The following CACNA2D4 variants were observed in gnomAD, a reference collection of about 807,000 sequenced individuals.
CACNA2D4 encodes the protein voltage-dependent calcium channel subunit alpha-2/delta-4.
A neutral mutation model predicts 163.8 loss-of-function variants in CACNA2D4; 157 were observed. That is an observed-to-expected ratio of 0.96 (90% CI 0.84 to 1.09). The LOEUF (loss-of-function observed/expected upper bound fraction) is 1.09. Among genes scored for constraint, CACNA2D4 ranks in the 50% least tolerant of loss-of-function variants. CACNA2D4 has a pLI of 0.00. For synonymous variants in CACNA2D4, 598 were observed against 586.9 expected, an observed-to-expected ratio of 1.02 and a Z score of -0.27; for missense variants, 1,410 against 1,479.9, an observed-to-expected ratio of 0.95 and a Z score of 0.78.
chr12:1,885,486 C>T (rs144395026), intron 9 of CACNA2D4, among the ~76,000 whole-genome samples: 4 of 152,252 alleles, frequency 2.6e-5, no homozygotes, highest in South Asian at 2.1e-4. Flanking sequence ...GAACTCAAAC[C>T]CCAACTCCTC....
chr12:1,807,672 C>T (rs11611260), intron 29 of CACNA2D4, among the ~76,000 whole-genome samples: 5,606 of 152,160 alleles, frequency 0.037, 150 homozygotes, highest in Non-Finnish European at 0.056. Flanking sequence ...CACACGGTTA[C>T]CCAGTGTCTG....
At chr12:1,794,833 C>T (rs532628859) in intron 37 of CACNA2D4, among the ~76,000 whole-genome samples, 1 of 152,306 alleles carries the variant, frequency 6.6e-6, no homozygotes, top group African/African-American at 2.4e-5. Context: ...TCTCCAGCCC[C>T]CTTCCTTTCC....
chr12:1,915,021 C>T, intron 1 of CACNA2D4, 86 bp from the exon 2 acceptor site: 2 of 973,432 alleles, frequency 2.1e-6, no homozygotes, highest in East Asian at 2.4e-5. Flanking sequence ...GGTTCACACA[C>T]ATAGAAAGCC....
chr12:1,841,897 T>C (rs1404967862), intron 25 of CACNA2D4, among the ~76,000 whole-genome samples: 1 of 152,102 alleles, frequency 6.6e-6, no homozygotes, highest in African/African-American at 2.4e-5. Flanking sequence ...GAACTTCCAA[T>C]ATGTAAGGTT....
rs138734982 is a variant in CACNA2D4 at position 1,826,609 on chromosome 12, C to T, written c.2551+14130G>A. 3.5e-4 allele frequency among the ~76,000 whole-genome samples: 54 copies of T among 152,326 alleles called. 1 individual carries two copies. In the East Asian group the frequency reaches 7.3e-3, roughly 21 times the overall value. Reference sequence around the variant, plus strand: ...CTTGTGACCCCTCTGCCAACGCCTGCGGGGCCTTCGGCAGACTGGCACCCT... The same window carrying T: ...CTTGTGACCCCTCTGCCAACGCCTGTGGGGCCTTCGGCAGACTGGCACCCT... On this transcript the variant is annotated intron_variant, in intron 26 of 37. Transcript: ENST00000382722.
rs149305020 is a variant in CACNA2D4, at chr12:1,801,459, G to C, written c.2792+115C>G. 372 of 895,368 alleles carry C rather than the reference G, an allele frequency of 4.2e-4. 2 individuals are homozygous for C. In the African/African-American group the frequency reaches 5.0e-3, roughly 12 times the overall value. The allele number at this position is 895,368 out of a possible 1,614,324, so 55.5% of individuals were successfully genotyped here. A position where few individuals can be genotyped will look rare whatever the true frequency, so the allele number is the denominator to read the frequency against. ...TAAAGGTTGCTTTTGCAGCTCTTTG[G>C]GGGCACCCACTGTGGGTTTTGGAGG... On this transcript the variant is annotated intron_variant, in intron 30 of 37. Coordinates refer to ENST00000382722, the MANE Select transcript of CACNA2D4 (RefSeq NM_172364.5).
chr12:1,803,988 A>G (rs1044754765), intron 29 of CACNA2D4, among the ~76,000 whole-genome samples: 8 of 152,252 alleles, frequency 5.3e-5, no homozygotes, highest in Admixed American at 2.0e-4. Context: ...TTCCAGGGAC[A>G]CAACAGCACA....
In CACNA2D4 at chr12:1,840,664, TC is replaced by T. The variant is rs1186620025; in HGVS notation, c.2551+74del. 2.4e-6 allele frequency: 3 copies of T among 1,268,766 alleles called. No homozygotes were observed. In the African/African-American group the frequency reaches 4.4e-5, roughly 19 times the overall value. 78.6% of individuals were successfully genotyped at this position (1,268,766 alleles called of 1,614,324 possible). A position where few individuals can be genotyped will look rare whatever the true frequency, so the allele number is the denominator to read the frequency against. On this transcript the variant is annotated intron_variant, in intron 26 of 37. Coordinates refer to ENST00000382722, the MANE Select transcript of CACNA2D4 (RefSeq NM_172364.5). The stretch of plus-strand genomic sequence containing the variant: ...GGCCCTGGCCACATGTGCAGGGCCT[TC>T]TGCTGTGATCTATGCCTTGCTCTTT...
At chr12:1,865,644 C>G (rs1432147252) in intron 18 of CACNA2D4, among the ~76,000 whole-genome samples, 1 of 152,190 alleles carries the variant, frequency 6.6e-6, no homozygotes, top group Non-Finnish European at 1.5e-5. Flanking sequence ...GGCTGCACCA[C>G]GCACGAGGCC....
At chr12:1,795,565 G>T in intron 36 of CACNA2D4, 103 bp downstream of exon 36, 1 of 688,414 alleles carries the variant, frequency 1.5e-6, no homozygotes, top group South Asian at 1.8e-5. Flanking sequence ...TGGAGGACAC[G>T]GGCGGTGAAG....
intron 18 of CACNA2D4, among the ~76,000 whole-genome samples, chr12:1,867,722 T>C (rs946946714): frequency 2.1e-5 from 3 of 141,044 alleles, no homozygotes; most frequent in South Asian, 4.8e-4. Flanking sequence ...ATCCGAAATA[T>C]ATAAGGAACC....
At chr12:1,881,702 G>GACAAGGGA (rs1299108575) in intron 13 of CACNA2D4, among the ~76,000 whole-genome samples, 1 of 152,228 alleles carries the variant, frequency 6.6e-6, no homozygotes, top group East Asian at 1.9e-4. Flanking sequence ...TGAACACTTG[G>GACAAGGGA]ACAAGGGAGG....
intron 20 of CACNA2D4, 123 bp downstream of exon 20, chr12:1,858,454 C>T: frequency 3.7e-6 from 3 of 813,302 alleles, no homozygotes; most frequent in Admixed American, 2.0e-5. Flanking sequence ...TGAGAGGCTG[C>T]TCTGGAGCCT....
chr12:1,842,857 G>C (rs1220686519), intron 25 of CACNA2D4, among the ~76,000 whole-genome samples: 3 of 152,174 alleles, frequency 2.0e-5, no homozygotes, highest in Non-Finnish European at 2.9e-5. Flanking sequence ...GTGGGAAGGG[G>C]TCTCCCCTTT....
chr12:1,861,133 C>T (rs1392758336), intron 18 of CACNA2D4, among the ~76,000 whole-genome samples: 1 of 152,206 alleles, frequency 6.6e-6, no homozygotes, highest in Admixed American at 6.5e-5. Flanking sequence ...TTCTTTCTGA[C>T]TTTCCTTCTT....
Position 1,806,495 on chromosome 12 carries a change from G to A in CACNA2D4, c.2721+3783C>T, listed in dbSNP as rs190881349. Among the ~76,000 whole-genome samples the A allele has an allele frequency of 2.2e-3, 337 of 152,324 alleles. 1 individual carries two copies. Among genetic ancestry groups the A allele is most frequent in the African/African-American group, 7.5e-3 (313 of 41,574 alleles). On this transcript the variant is annotated intron_variant, in intron 29 of 37. Transcript: ENST00000382722. The surrounding 1 kb of genome is among the most constrained non-coding windows in gnomAD (Gnocchi z 4.1). ...TGACTACGGGGAGGAGGGTGTGCAA[G>A]GACTTTGTCTGGGAAGAATCTTTGC...
In CACNA2D4 at chr12:1,886,283, C is replaced by T. The variant is rs1208553174; in HGVS notation, c.933G>A (p.Lys311=). Reference sequence around the variant, plus strand: ...TGTCCAAGATGGTGGTGATGGTGTGCTTGGCAATAGTCATCCTCAGCCCCT... The same window carrying T: ...TGTCCAAGATGGTGGTGATGGTGTGTTTGGCAATAGTCATCCTCAGCCCCT... The part of the protein sequence containing the change: ...SMKGLRMTIA[K]HTITTILDTL... The change falls in exon 8 of 38, where the codon AAG becomes AAA. Residue 311 remains lysine, a synonymous_variant. Coordinates refer to ENST00000382722, the MANE Select transcript of CACNA2D4 (RefSeq NM_172364.5). 6.2e-7 allele frequency: 1 copy of T among 1,613,668 alleles called. No homozygotes were observed. The highest frequency in any genetic ancestry group is 1.1e-5 in the South Asian group (1 of 91,078).
In CACNA2D4 at chr12:1,913,122, C is replaced by T; in HGVS notation, c.327G>A (p.Glu109=). ...LLLQKKYKDV[E]SSLKIEEVDG... is the part of the protein sequence containing the mutation. ...CCACCTCCTCGATCTTCAGACTGGACTCCACATCCTTGTACTTCTGTTTGG... is the reference window on the plus strand; with the variant it reads ...CCACCTCCTCGATCTTCAGACTGGATTCCACATCCTTGTACTTCTGTTTGG... Residue 109 remains glutamate, a synonymous_variant, in exon 3 of 38, where the codon GAG becomes GAA. Transcript: ENST00000382722. 6.2e-7 allele frequency: 1 copy of T among 1,612,908 alleles called. No homozygotes were observed.
chr12:1,815,089 G>A (rs112799056), intron 26 of CACNA2D4, among the ~76,000 whole-genome samples: 6,363 of 152,152 alleles, frequency 0.042, 454 homozygotes, highest in African/African-American at 0.14. Context: ...ATGGGGTTTC[G>A]CCATGCTGGC....
Sources: allele counts gnomAD v4.1 joint callset (sites outside exome capture counted in the v4.1 genomes callset), GRCh38; gene constraint gnomAD v4.1.1; non-coding constraint Gnocchi (gnomAD v3.1); transcripts MANE v1.5; gene names NCBI Gene and HGNC (gene_info 2026-07-23, HGNC 2026-07-21).